EPC2: variants seen among roughly 807,000 people sequenced by gnomAD.
EPC2 encodes enhancer of polycomb 2.
A neutral mutation model predicts 92.1 loss-of-function variants in EPC2; 14 were observed. The ratio of observed to expected loss-of-function variants is 0.15; its 90% CI spans 0.10 to 0.24. EPC2 has a LOEUF of 0.24. Among genes scored for constraint, EPC2 ranks in the 10% least tolerant of loss-of-function variants. The pLI, the probability that EPC2 is intolerant of heterozygous loss-of-function variation, is 1.00. For synonymous variants in EPC2, 340 were observed against 334.7 expected (o/e 1.02, Z -0.17); for missense variants, 755 against 971.5 (o/e 0.78, Z 2.96).
intron 1 of EPC2, among the ~76,000 whole-genome samples, chr2:148,670,442 G>A (rs918360486): frequency 7.9e-5 from 12 of 151,158 alleles, no homozygotes; most frequent in African/African-American, 2.7e-4. Flanking sequence ...TCACAATGTT[G>A]TACAACCATT....
At chr2:148,706,513 A>G (rs55851055) in intron 2 of EPC2, among the ~76,000 whole-genome samples, 3,557 of 152,164 alleles carry the variant, frequency 0.023, 75 homozygotes, top group Non-Finnish European at 0.034. Context: ...AAAGATACTC[A>G]TCGAGAAGAG....
intron 1 of EPC2, among the ~76,000 whole-genome samples, chr2:148,686,100 A>G (rs994562910): frequency 2.0e-5 from 3 of 152,230 alleles, no homozygotes; most frequent in African/African-American, 7.2e-5. Context: ...CTGTTTGATA[A>G]CATTTTACTC....
chr2:148,732,787 AATG>A (rs1485932960), intron 2 of EPC2, among the ~76,000 whole-genome samples: 2 of 152,146 alleles, frequency 1.3e-5, no homozygotes, highest in Non-Finnish European at 2.9e-5. Flanking sequence ...CTGATAACAA[AATG>A]ATAAGTTTTT....
At chr2:148,726,769 T>TG (rs527605130) in intron 2 of EPC2, among the ~76,000 whole-genome samples, 8 of 150,240 alleles carry the variant, frequency 5.3e-5, no homozygotes, top group African/African-American at 4.9e-5. Flanking sequence ...TTTTTTGTTT[T>TG]TTTTTTTTTT....
intron 2 of EPC2, among the ~76,000 whole-genome samples, chr2:148,734,889 A>G (rs922334965): frequency 5.3e-5 from 8 of 151,006 alleles, no homozygotes; most frequent in Admixed American, 4.6e-4. Flanking sequence ...TTTATTGCTG[A>G]GTATAATTTC....
At chr2:148,666,713 A>T (rs932959807) in intron 1 of EPC2, among the ~76,000 whole-genome samples, 2 of 152,134 alleles carry the variant, frequency 1.3e-5, no homozygotes, top group Admixed American at 1.3e-4. Context: ...GCATCATCAA[A>T]CATCACCTGG....
At chr2:148,732,483 C>T (rs1443779070) in intron 2 of EPC2, among the ~76,000 whole-genome samples, 1 of 150,544 alleles carries the variant, frequency 6.6e-6, no homozygotes, top group Admixed American at 6.7e-5. Context: ...CAGGTTCAAG[C>T]GATTCTCCTG....
chr2:148,659,881 G>T (rs557773137), intron 1 of EPC2, among the ~76,000 whole-genome samples: 8 of 152,088 alleles, frequency 5.3e-5, no homozygotes, highest in African/African-American at 1.9e-4. Flanking sequence ...ACAGATGGTC[G>T]TTGGAAAGGT....
intron 1 of EPC2, among the ~76,000 whole-genome samples, chr2:148,670,556 G>T (rs1681136223): frequency 6.6e-6 from 1 of 151,868 alleles, no homozygotes; most frequent in Non-Finnish European, 1.5e-5. Flanking sequence ...GTTTCTTTTT[G>T]TATTCCCCGT....
intron 2 of EPC2, among the ~76,000 whole-genome samples, chr2:148,726,870 T>C (rs1682510453): frequency 6.6e-6 from 1 of 151,872 alleles, no homozygotes; most frequent in Non-Finnish European, 1.5e-5. Flanking sequence ...TTTTTCCCTT[T>C]CCATAAGGTT....
intron 2 of EPC2, among the ~76,000 whole-genome samples, chr2:148,722,815 A>G (rs1682410297): frequency 6.6e-6 from 1 of 152,240 alleles, no homozygotes; most frequent in South Asian, 2.1e-4. Context: ...AATGTGGTAC[A>G]TATACACGAT....
intron 1 of EPC2, among the ~76,000 whole-genome samples, chr2:148,646,226 C>T (rs1441999493): frequency 1.3e-5 from 2 of 152,158 alleles, no homozygotes; most frequent in Non-Finnish European, 2.9e-5. Context: ...CAAAAGGAAG[C>T]TCGAGGTTTC....
intron 1 of EPC2, among the ~76,000 whole-genome samples, chr2:148,667,083 A>G (rs940423795): frequency 6.6e-6 from 1 of 152,216 alleles, no homozygotes; most frequent in Non-Finnish European, 1.5e-5. Flanking sequence ...GAGGATTGAT[A>G]TGGTTGAAAA....
intron 2 of EPC2, among the ~76,000 whole-genome samples, chr2:148,733,164 A>G (rs180864141): frequency 2.0e-3 from 309 of 151,660 alleles, no homozygotes; most frequent in African/African-American, 7.2e-3. Flanking sequence ...ATAATATCAC[A>G]TAAGATTGTT....
chr2:148,649,720 A>T (rs1406043712), intron 1 of EPC2, among the ~76,000 whole-genome samples: 6 of 152,234 alleles, frequency 3.9e-5, no homozygotes, highest in Non-Finnish European at 8.8e-5. Context: ...CATTGGTGTC[A>T]CAAAAGCATA....
intron 1 of EPC2, among the ~76,000 whole-genome samples, chr2:148,670,365 G>C (rs2105360113): frequency 1.3e-5 from 2 of 151,468 alleles, no homozygotes; most frequent in Middle Eastern, 3.4e-3. Flanking sequence ...TTTTAAAATT[G>C]AGAGACAATT....
At chr2:148,740,368 G>A (rs892328534) in intron 2 of EPC2, among the ~76,000 whole-genome samples, 1 of 151,850 alleles carries the variant, frequency 6.6e-6, no homozygotes, top group Non-Finnish European at 1.5e-5. Flanking sequence ...GCAGGCACCT[G>A]TACCTGGTTT....
intron 4 of EPC2, among the ~76,000 whole-genome samples, chr2:148,761,259 C>T (rs1415470880): frequency 1.3e-5 from 2 of 152,194 alleles, no homozygotes; most frequent in African/African-American, 4.8e-5. Context: ...TGTTATCCTA[C>T]TTTCAGTTTT....
chr2:148,703,888 A>C (rs1275623165), intron 2 of EPC2, among the ~76,000 whole-genome samples: 2 of 152,200 alleles, frequency 1.3e-5, no homozygotes, highest in African/African-American at 4.8e-5. Context: ...AATGGCTACT[A>C]TCAAAAACAG....
Sources: allele counts gnomAD v4.1 joint callset (sites outside exome capture counted in the v4.1 genomes callset), GRCh38; gene constraint gnomAD v4.1.1; transcripts MANE v1.5; gene names NCBI Gene and HGNC (gene_info 2026-07-23, HGNC 2026-07-21).